PPARG: variants seen among roughly 807,000 people sequenced by gnomAD.
PPARG encodes the protein peroxisome proliferator-activated receptor gamma.
PPARG carries 17 observed loss-of-function variants against 39.2 expected under a neutral mutation model. That is an observed-to-expected ratio of 0.43 (90% CI 0.30 to 0.65). The LOEUF (loss-of-function observed/expected upper bound fraction) is 0.65, where lower values mean the gene tolerates loss of function less well. Ranked by LOEUF, PPARG falls within the 30% of genes least tolerant of loss-of-function variation. PPARG has a pLI of 0.13. For missense variants in PPARG, 406 were observed against 585.9 expected, an observed-to-expected ratio of 0.69 and a Z score of 3.17; for synonymous variants, 223 against 215.7, an observed-to-expected ratio of 1.03 and a Z score of -0.30.
intron 1 of PPARG, among the ~76,000 whole-genome samples, chr3:12,303,740 T>C (rs1323961482): frequency 6.6e-6 from 1 of 152,254 alleles, no homozygotes; most frequent in East Asian, 1.9e-4. Context: ...TGTGAGAAAG[T>C]GAGTGCTTCG....
intron 1 of PPARG, among the ~76,000 whole-genome samples, chr3:12,307,122 C>T (rs1191525762): frequency 1.4e-5 from 2 of 145,210 alleles, no homozygotes; most frequent in Admixed American, 7.0e-5. Context: ...AAAAAATCAA[C>T]CGCTGTTAGG....
chr3:12,371,155 C>T (rs1197187238), intron 2 of PPARG, among the ~76,000 whole-genome samples: 2 of 152,110 alleles, frequency 1.3e-5, no homozygotes, highest in East Asian at 3.8e-4. Context: ...AAGTGCTCTA[C>T]ATACATTATC....
chr3:12,340,441 G>C (rs28675782), intron 2 of PPARG, among the ~76,000 whole-genome samples: 1 of 152,108 alleles, frequency 6.6e-6, no homozygotes, highest in Non-Finnish European at 1.5e-5. Context: ...GCGGGGGAGA[G>C]GTGCTTACTT....
At chr3:12,379,452 A>T (rs755328216) in intron 2 of PPARG, among the ~76,000 whole-genome samples, 11 of 152,320 alleles carry the variant, frequency 7.2e-5, no homozygotes, top group Non-Finnish European at 1.3e-4. Flanking sequence ...AAAGGCATTT[A>T]TATGGATACA....
chr3:12,424,840 C>T (rs187811643), intron 7 of PPARG, among the ~76,000 whole-genome samples: 86 of 152,314 alleles, frequency 5.6e-4, no homozygotes, highest in African/African-American at 1.9e-3. Context: ...TTATTTATCT[C>T]TCTGAGCCTT....
At chr3:12,393,856 C>T (rs1425243185) in intron 5 of PPARG, among the ~76,000 whole-genome samples, 1 of 152,036 alleles carries the variant, frequency 6.6e-6, no homozygotes, top group Admixed American at 6.5e-5. Context: ...GATTAATAAC[C>T]TACCCTTTAA....
At chr3:12,356,109 T>C (rs1289799907) in intron 2 of PPARG, among the ~76,000 whole-genome samples, 2 of 152,198 alleles carry the variant, frequency 1.3e-5, no homozygotes, top group Admixed American at 6.5e-5. Flanking sequence ...GCACTAGAGG[T>C]TGTCCAGTAA....
At chr3:12,385,790 A>C (rs181392453) in intron 4 of PPARG, among the ~76,000 whole-genome samples, 2 of 152,248 alleles carry the variant, frequency 1.3e-5, no homozygotes, top group Non-Finnish European at 2.9e-5. Context: ...TATTAATCCA[A>C]CTTCCAGGGG....
intron 1 of PPARG, among the ~76,000 whole-genome samples, chr3:12,310,791 T>TA (rs761238501): frequency 0.15 from 7,785 of 50,370 alleles, 690 homozygotes; most frequent in Non-Finnish European, 0.18. Flanking sequence ...GCCTTAAATG[T>TA]AAAAAAAAAA....
rs4135357 is a variant in PPARG at position 12,426,347 on chromosome 3, A to G, written c.1181-7551A>G. On this transcript the variant is annotated intron_variant, in intron 7 of 7. Coordinates refer to ENST00000651735, the MANE Select transcript of PPARG (RefSeq NM_138711.6). ...ACAGATGATCTTTATCTGTTTGTCA[A>G]AGCATTTGCAAGATCTCTATTTTAT... is the stretch of plus-strand genomic sequence containing the variant. Among the ~76,000 whole-genome samples the G allele has an allele frequency of 4.0e-3, 605 of 152,280 alleles. 3 individuals carry two copies. The highest frequency in any genetic ancestry group is 0.024 in the Middle Eastern group (7 of 294).
intron 1 of PPARG, among the ~76,000 whole-genome samples, chr3:12,300,138 G>A (rs952298088): frequency 3.3e-5 from 5 of 152,146 alleles, no homozygotes; most frequent in Non-Finnish European, 5.9e-5. Flanking sequence ...ATACAGGGCC[G>A]TGAAATGTTA....
chr3:12,418,137 T>A lies in PPARG; in HGVS notation c.1180+983T>A, dbSNP rs1026962246. The stretch of plus-strand genomic sequence containing the variant: ...GCACACCAACATGCCCTGCTAATTT[T>A]AAAAATTTTTTTGTAGAGATGAGGT... On this transcript the variant is annotated intron_variant, in intron 7 of 7. Coordinates refer to ENST00000651735, the MANE Select transcript of PPARG (RefSeq NM_138711.6). 6.6e-5 allele frequency among the ~76,000 whole-genome samples: 10 copies of A among 152,178 alleles called. No individual in the cohort carries two copies. In the East Asian group the frequency reaches 9.7e-4, roughly 15 times the overall value.
intron 2 of PPARG, among the ~76,000 whole-genome samples, chr3:12,371,673 A>G (rs879344561): frequency 6.6e-6 from 1 of 152,218 alleles, no homozygotes; most frequent in East Asian, 1.9e-4. Context: ...GCATATTTAC[A>G]TGTAGTAACA....
chr3:12,330,224 C>G (rs547215178), intron 2 of PPARG, among the ~76,000 whole-genome samples: 2 of 150,186 alleles, frequency 1.3e-5, no homozygotes, highest in East Asian at 3.9e-4. Flanking sequence ...CTGCTTTTCA[C>G]AGCTGCTATA....
At chr3:12,346,081 A>G (rs560445976) in intron 2 of PPARG, among the ~76,000 whole-genome samples, 1 of 152,342 alleles carries the variant, frequency 6.6e-6, no homozygotes, top group East Asian at 1.9e-4. Context: ...GTTCAAAGTT[A>G]CAGTAATTTC....
intron 2 of PPARG, among the ~76,000 whole-genome samples, chr3:12,337,687 C>T (rs1365212533): frequency 3.3e-5 from 5 of 152,186 alleles, no homozygotes; most frequent in African/African-American, 1.2e-4. Flanking sequence ...TTACCATTTG[C>T]AGTTGCTCCC....
At chr3:12,305,325 G>A (rs1474913035) in intron 1 of PPARG, among the ~76,000 whole-genome samples, 4 of 152,166 alleles carry the variant, frequency 2.6e-5, no homozygotes, top group Non-Finnish European at 2.9e-5. Context: ...GAAATGTTAT[G>A]TTGCTCTTTA....
intron 2 of PPARG, among the ~76,000 whole-genome samples, chr3:12,322,010 A>G (rs374767595): frequency 1.4e-4 from 22 of 152,354 alleles, no homozygotes; most frequent in Admixed American, 5.2e-4. Flanking sequence ...TTATTTCTAA[A>G]TTGATCAACA....
At chr3:12,410,610 G>GA (rs2050849881) in intron 6 of PPARG, among the ~76,000 whole-genome samples, 3 of 152,140 alleles carry the variant, frequency 2.0e-5, no homozygotes, top group Admixed American at 1.3e-4. Flanking sequence ...GTTTATGGTA[G>GA]GTACATGTGG....
Sources: gnomAD v4.1 joint callset for allele counts (sites outside exome capture counted in the v4.1 genomes callset) on GRCh38, gnomAD v4.1.1 for gene constraint, MANE v1.5 for transcripts, NCBI Gene and HGNC (gene_info 2026-07-23, HGNC 2026-07-21) for gene names.